The following CCDC171 variants were observed in gnomAD, a reference collection of about 807,000 sequenced individuals.
CCDC171 encodes the protein coiled-coil domain containing 171, also known as coiled-coil domain-containing protein 171.
CCDC171 carries 177 observed loss-of-function variants against 168.2 expected under a neutral mutation model. The ratio of observed to expected loss-of-function variants is 1.05; its 90% CI spans 0.93 to 1.19. The LOEUF (loss-of-function observed/expected upper bound fraction) is 1.19. Ranked by LOEUF, CCDC171 falls within the 50% of genes most tolerant of loss-of-function variation. The probability of loss-of-function intolerance (pLI) is 0.00; values close to 1 mark genes in which losing one functional copy is unlikely to be tolerated. For synonymous variants in CCDC171, 687 were observed against 540.8 expected (o/e 1.27, Z -3.75); for missense variants, 1,991 against 1,539.0 (o/e 1.29, Z -4.91).
chr9:16,023,268 A>T (rs967301105), intron 6 of CCDC171, among the ~76,000 whole-genome samples: 1 of 152,132 alleles, frequency 6.6e-6, no homozygotes, highest in Non-Finnish European at 1.5e-5. Context: ...ACTCAAATAG[A>T]TTGATTTATT....
chr9:15,746,757 G>A (rs1306560085), intron 18 of CCDC171, among the ~76,000 whole-genome samples: 1 of 152,178 alleles, frequency 6.6e-6, no homozygotes, highest in East Asian at 1.9e-4. Context: ...GTTGGACAGT[G>A]GGTGCAGCCC....
chr9:16,050,587 A>G (rs575417965), intron 1 of CCDC171, among the ~76,000 whole-genome samples: 49 of 152,322 alleles, frequency 3.2e-4, no homozygotes, highest in African/African-American at 1.1e-3. Flanking sequence ...GGTATGACTT[A>G]TGTAAACTTT....
intron 11 of CCDC171, among the ~76,000 whole-genome samples, chr9:15,712,105 A>G (rs994619503): frequency 1.3e-5 from 2 of 152,242 alleles, no homozygotes; most frequent in African/African-American, 4.8e-5. Context: ...AAAGACAGCA[A>G]GGCAGAGAGA....
chr9:15,684,405 T>C (rs1260554366), intron 10 of CCDC171, among the ~76,000 whole-genome samples: 2 of 152,076 alleles, frequency 1.3e-5, no homozygotes, highest in African/African-American at 4.8e-5. Context: ...TTTTTAACCT[T>C]ATTAAAATTG....
At chr9:16,002,975 C>T (rs771248721) in intron 3 of CCDC171, among the ~76,000 whole-genome samples, 29 of 152,332 alleles carry the variant, frequency 1.9e-4, no homozygotes, top group South Asian at 4.1e-4. Flanking sequence ...TGTGTCTGTA[C>T]ACTCAACATT....
At chr9:16,069,632 C>A in the CCDC171 span, among the ~76,000 whole-genome samples, 1 of 152,222 alleles carries the variant, frequency 6.6e-6, no homozygotes, top group African/African-American at 2.4e-5. Context: ...GCTTAGCTGT[C>A]CCTTGATCTT....
At position 15,819,434 on chromosome 9, in the gene CCDC171, T is replaced by G. The variant is rs1166631566; in HGVS notation, c.3268-27268T>G. On this transcript the variant is annotated intron_variant, in intron 21 of 25. Coordinates refer to ENST00000380701, the MANE Select transcript of CCDC171 (RefSeq NM_173550.4). ...GTCAAGACCCATCAGTGTGCTGTAT[T>G]CAGGAAACCCATCTCACGTGCAGAG... Among the ~76,000 whole-genome samples the G allele has an allele frequency of 6.0e-5, 7 of 117,028 alleles. 1 individual carries two copies. The highest frequency in any genetic ancestry group is 5.7e-4 in the Admixed American group (7 of 12,382). 76.8% of individuals were successfully genotyped at this position (117,028 alleles called of 152,430 possible).
intron 9 of CCDC171, among the ~76,000 whole-genome samples, chr9:15,676,730 T>A (rs1361372676): frequency 6.6e-6 from 1 of 152,156 alleles, no homozygotes; most frequent in African/African-American, 2.4e-5. Flanking sequence ...AATTTAAAAC[T>A]TGCATTCTGA....
intron 24 of CCDC171, among the ~76,000 whole-genome samples, chr9:15,907,556 T>G (rs537094297): frequency 2.0e-5 from 3 of 152,216 alleles, no homozygotes; most frequent in East Asian, 1.9e-4. Context: ...ATAAAAACCC[T>G]AGAAGAAAAC....
chr9:15,587,796 T>G (rs1480552727), intron 4 of CCDC171: 5 of 285,952 alleles, frequency 1.7e-5, no homozygotes, highest in African/African-American at 6.6e-5. Flanking sequence ...CCCTTTAAAA[T>G]GGAGAGAAGA....
At chr9:15,958,156 A>G (rs1253045326) in intron 25 of CCDC171, among the ~76,000 whole-genome samples, 1 of 151,420 alleles carries the variant, frequency 6.6e-6, no homozygotes, top group African/African-American at 2.4e-5. Context: ...TCATTCCTCA[A>G]CAGGCAGGTG....
chr9:15,971,170 A>G (rs1305189927), intron 25 of CCDC171, among the ~76,000 whole-genome samples: 1 of 152,132 alleles, frequency 6.6e-6, no homozygotes, highest in Non-Finnish European at 1.5e-5. Flanking sequence ...GGATAGATTT[A>G]AAAAACATAA....
intron 19 of CCDC171, among the ~76,000 whole-genome samples, chr9:15,778,336 A>AT (rs1449369297): frequency 2.9e-4 from 37 of 127,816 alleles, no homozygotes; most frequent in African/African-American, 1.1e-3. Flanking sequence ...AAAAAAAAAA[A>AT]AAAAAAAAAA....
At chr9:16,050,189 C>G (rs377014786) in intron 1 of CCDC171, among the ~76,000 whole-genome samples, 60 of 152,332 alleles carry the variant, frequency 3.9e-4, no homozygotes, top group African/African-American at 1.4e-3. Context: ...ACCTGGCTTT[C>G]TTACTGTATT....
At chr9:15,593,144 CCTCAAGGCTCTTTGTGAAAGCT>C (rs2042112827) in intron 5 of CCDC171, among the ~76,000 whole-genome samples, 1 of 151,950 alleles carries the variant, frequency 6.6e-6, no homozygotes, top group Non-Finnish European at 1.5e-5. Flanking sequence ...GAAAAAAAAG[CCTCAAGGCTCTTTGTGAAAGCT>C]TTCTTTCTAT....
Position 15,947,815 on chromosome 9 carries a change from A to G in CCDC171, c.3754-23794A>G, listed in dbSNP as rs980916222. 1.7e-4 allele frequency among the ~76,000 whole-genome samples: 26 copies of G among 149,576 alleles called. 1 individual carries two copies. Among genetic ancestry groups the G allele is most frequent in the African/African-American group, 6.0e-4 (24 of 40,248 alleles). On this transcript the variant is annotated intron_variant, in intron 25 of 25. Coordinates refer to ENST00000380701, the MANE Select transcript of CCDC171 (RefSeq NM_173550.4). ...CAAGTATGCTTCCATATTTTTTTTA[A>G]TTTTTTTATTTTTTTTTAATTTATT...
chr9:16,065,259 T>C (rs1217420550), downstream of CCDC171, among the ~76,000 whole-genome samples: 2 of 152,212 alleles, frequency 1.3e-5, no homozygotes, highest in East Asian at 3.9e-4. Flanking sequence ...TGACAGCTTA[T>C]CACATTCTCC....
chr9:15,584,445 A>G (rs1316477082), intron 4 of CCDC171, among the ~76,000 whole-genome samples: 2 of 152,226 alleles, frequency 1.3e-5, no homozygotes, highest in Non-Finnish European at 2.9e-5. Context: ...GTTAAGTCTG[A>G]TGAAAGAAGT....
chr9:15,623,475 G>GCGCGCGCGCGCGCGCACACACACA lies in CCDC171; in HGVS notation c.822+63_822+64insGCGCGCGCGCGCGCACACACACAC. The GCGCGCGCGCGCGCGCACACACACA allele has an allele frequency of 9.4e-4, 296 of 315,418 alleles. 1 individual carries two copies. Among genetic ancestry groups the GCGCGCGCGCGCGCGCACACACACA allele is most frequent in the South Asian group, 2.7e-3 (48 of 17,630 alleles). The allele number at this position is 315,418 out of a possible 1,614,324, so 19.5% of individuals were successfully genotyped here. A position where few individuals can be genotyped will look rare whatever the true frequency, so the allele number is the denominator to read the frequency against. On this transcript the variant is annotated intron_variant, in intron 7 of 25. Transcript: ENST00000380701. ...CAAACTTTCACATATGCGCGCGCGC[G>GCGCGCGCGCGCGCGCACACACACA]CACACACACACACACACACACACAC...
Sources: gnomAD v4.1 joint callset for allele counts (sites outside exome capture counted in the v4.1 genomes callset) on GRCh38, gnomAD v4.1.1 for gene constraint, MANE v1.5 for transcripts, NCBI Gene and HGNC (gene_info 2026-07-23, HGNC 2026-07-21) for gene names.